AGXT2: variants seen among roughly 807,000 people sequenced by gnomAD.
AGXT2 encodes alanine--glyoxylate aminotransferase 2.
Under a neutral mutation model 62.5 loss-of-function variants are expected in AGXT2, and 61 were observed. The observed-to-expected ratio is 0.98, with a 90% CI of 0.79 to 1.21. The LOEUF is 1.21. Ranked by LOEUF, AGXT2 falls within the 50% of genes most tolerant of loss-of-function variation. The pLI is 0.00. For missense variants in AGXT2, 666 were observed against 641.5 expected (o/e 1.04, Z -0.41); for synonymous variants, 243 against 218.7 (o/e 1.11, Z -0.98).
chr5:35,011,458 TAA>T (rs11358241), intron 11 of AGXT2, among the ~76,000 whole-genome samples: 1,436 of 119,744 alleles, frequency 0.012, 22 homozygotes, highest in African/African-American at 0.039. Flanking sequence ...AGACTCTTTC[TAA>T]AAAAAAAAAA....
chr5:35,039,515 A>T lies in AGXT2; in HGVS notation c.178-7T>A, dbSNP rs1476560894. On this transcript the variant is annotated splice_polypyrimidine_tract_variant and splice_region_variant and intron_variant, in intron 2 of 13. Transcript: ENST00000231420. ...CACGGTTGTAGCCAAGGGACTGTAG[A>T]TAAACAAGATTTAAACCCACACACT... The T allele has an allele frequency of 6.2e-7, 1 of 1,613,366 alleles. No individual in the cohort carries two copies. The highest frequency in any genetic ancestry group is 1.7e-5 in the Admixed American group (1 of 60,014).
chr5:35,023,903 ATT>A (rs1767221477), intron 9 of AGXT2, among the ~76,000 whole-genome samples: 1 of 89,996 alleles, frequency 1.1e-5, no homozygotes, highest in South Asian at 3.5e-4. Context: ...TTATTTATTT[ATT>A]TATTTTGAGA....
At chr5:35,030,943 G>A (rs465974) in intron 7 of AGXT2, among the ~76,000 whole-genome samples, 142,666 of 152,276 alleles carry the variant, frequency 0.94, 67,313 homozygotes, top group Non-Finnish European at 1. Flanking sequence ...ATGAAGTGCC[G>A]TGATGGTGTT....
chr5:35,039,542 C>T, intron 2 of AGXT2, 34 bp from the exon 3 acceptor site: 1 of 1,601,912 alleles, frequency 6.2e-7, no homozygotes, highest in Non-Finnish European at 8.6e-7. Flanking sequence ...CCACACACTT[C>T]TTACAAGATC....
chr5:35,042,736 CTG>C (rs66463119), intron 1 of AGXT2, among the ~76,000 whole-genome samples: 7,745 of 142,160 alleles, frequency 0.054, 480 homozygotes, highest in African/African-American at 0.16. Flanking sequence ...ATATGCATAC[CTG>C]TGTGTGTGTG....
intron 5 of AGXT2, among the ~76,000 whole-genome samples, chr5:35,033,934 T>C (rs991343718): frequency 5.9e-5 from 9 of 152,180 alleles, no homozygotes; most frequent in African/African-American, 2.2e-4. Flanking sequence ...TTTCCTATGA[T>C]ATACCTGTTG....
rs529073934 is a variant in AGXT2 at position 34,998,312 on chromosome 5, C to G, written c.*407G>C. On this transcript the variant is annotated 3_prime_UTR_variant, in exon 14 of 14. Transcript: ENST00000231420. ...TGAACATATGGTGTTCTCAGCGCAA[C>G]AAGAAGACATCTCTTCTTGAACTGA... The G allele has an allele frequency of 8.9e-5, 23 of 259,832 alleles. No homozygotes were observed. The highest frequency in any genetic ancestry group is 4.9e-4 in the African/African-American group (22 of 44,704). The allele number at this position is 259,832 out of a possible 1,614,324, so 16.1% of individuals were successfully genotyped here.
chr5:35,002,786 G>C (rs796430589), intron 13 of AGXT2, among the ~76,000 whole-genome samples: 13 of 151,820 alleles, frequency 8.6e-5, no homozygotes, highest in African/African-American at 1.7e-4. Context: ...TGGGGGGGGG[G>C]ACTAACACGG....
At chr5:35,003,158 G>A (rs1373709947) in intron 13 of AGXT2, among the ~76,000 whole-genome samples, 1 of 152,142 alleles carries the variant, frequency 6.6e-6, no homozygotes, top group Non-Finnish European at 1.5e-5. Flanking sequence ...GAAGGGAGTG[G>A]GGAGGGCTCG....
chr5:35,025,159 T>A (rs1767280653), intron 9 of AGXT2, among the ~76,000 whole-genome samples: 1 of 152,198 alleles, frequency 6.6e-6, no homozygotes, highest in African/African-American at 2.4e-5. Context: ...GCGGATCACT[T>A]GAGGTCAGGA....
At chr5:35,009,479 C>T (rs1482932162) in intron 12 of AGXT2, among the ~76,000 whole-genome samples, 1 of 151,966 alleles carries the variant, frequency 6.6e-6, no homozygotes, top group African/African-American at 2.4e-5. Context: ...GCCTGTAATC[C>T]CAGCTACCCG....
intron 9 of AGXT2, among the ~76,000 whole-genome samples, chr5:35,025,388 A>G (rs1198550759): frequency 6.6e-6 from 1 of 152,198 alleles, no homozygotes; most frequent in East Asian, 1.9e-4. Flanking sequence ...AAATAACCAA[A>G]CAAATAAAAA....
At chr5:35,003,155 G>T (rs537258345) in intron 13 of AGXT2, among the ~76,000 whole-genome samples, 10 of 152,330 alleles carry the variant, frequency 6.6e-5, no homozygotes, top group African/African-American at 2.4e-4. Context: ...AAGGAAGGGA[G>T]TGGGGAGGGC....
At chr5:35,046,990 G>T (rs1489779980) in intron 1 of AGXT2, among the ~76,000 whole-genome samples, 2 of 152,180 alleles carry the variant, frequency 1.3e-5, no homozygotes, top group Non-Finnish European at 2.9e-5. Context: ...TGTTCTTGCT[G>T]CAGAGAGGAG....
intron 12 of AGXT2, 92 bp downstream of exon 12, chr5:35,009,908 T>C: frequency 6.4e-7 from 1 of 1,555,374 alleles, no homozygotes; most frequent in East Asian, 2.2e-5. Context: ...GTCTGCTCTC[T>C]CCTTGAGAGT....
chr5:35,012,877 A>G, intron 11 of AGXT2, 77 bp downstream of exon 11: 3 of 1,248,416 alleles, frequency 2.4e-6, no homozygotes, highest in Non-Finnish European at 3.4e-6. Context: ...AGCATGATAG[A>G]GTTCTGCTAA....
At chr5:35,000,576 T>C (rs1766190672) in intron 13 of AGXT2, among the ~76,000 whole-genome samples, 1 of 152,182 alleles carries the variant, frequency 6.6e-6, no homozygotes, top group Non-Finnish European at 1.5e-5. Flanking sequence ...GAGACAGGGC[T>C]TCACTATGTT....
At chr5:35,047,026 G>T (rs1768243168) in intron 1 of AGXT2, among the ~76,000 whole-genome samples, 1 of 152,164 alleles carries the variant, frequency 6.6e-6, no homozygotes, top group Admixed American at 6.5e-5. Context: ...GGAGGGCCTG[G>T]GGTCAAGCCC....
rs1344004124 is a variant in AGXT2, at chr5:34,998,727, C to T, written c.1537G>A (p.Ala513Thr). 4.3e-6 allele frequency: 7 copies of T among 1,611,256 alleles called. No homozygotes were observed. The Admixed American group carries it at 5.0e-5, about 12-fold the overall frequency. ...ATTTATTTCTGACAATGTTACTTAG[C>T]TCTTCTTTCCATGTGTTGGGTTAAG... Reference protein sequence around the residue: ...SALTQHMERRAK With the variant: ...SALTQHMERRTK The change falls in exon 14 of 14, where the codon GCT (alanine) becomes ACT (threonine). Residue 513 changes from alanine (A) to threonine (T), a missense_variant. Transcript: ENST00000231420.
Sources: allele counts gnomAD v4.1 joint callset (sites outside exome capture counted in the v4.1 genomes callset), GRCh38; gene constraint gnomAD v4.1.1; transcripts MANE v1.5; gene names NCBI Gene and HGNC (gene_info 2026-07-23, HGNC 2026-07-21).